Variants in PEAK1 observed in about 807,000 individuals in gnomAD.
PEAK1 encodes inactive tyrosine-protein kinase PEAK1.
PEAK1 carries 54 observed loss-of-function variants against 124.7 expected under a neutral mutation model. The ratio of observed to expected loss-of-function variants is 0.43; its 90% CI spans 0.35 to 0.54. The LOEUF (loss-of-function observed/expected upper bound fraction) is 0.54. Among genes scored for constraint, PEAK1 ranks in the 20% least tolerant of loss-of-function variants. PEAK1 has a pLI of 0.01. For synonymous variants in PEAK1, 719 were observed against 760.0 expected, an observed-to-expected ratio of 0.95 and a Z score of 0.89; for missense variants, 2,046 against 2,134.5, an observed-to-expected ratio of 0.96 and a Z score of 0.82.
intron 8 of PEAK1, among the ~76,000 whole-genome samples, chr15:77,140,957 C>T (rs1283166303): frequency 6.6e-6 from 1 of 152,114 alleles, no homozygotes; most frequent in Non-Finnish European, 1.5e-5. Flanking sequence ...CCTGCCTTGG[C>T]CTCCCAAAGT....
intron 1 of PEAK1, chr15:77,404,426 G>T: frequency 1.3e-6 from 1 of 743,506 alleles, no homozygotes; most frequent in Non-Finnish European, 1.6e-6. Flanking sequence ...CATTGGATTT[G>T]GAAGACAGAA....
At chr15:77,370,344 T>G (rs1290260225) in intron 1 of PEAK1, among the ~76,000 whole-genome samples, 1 of 152,180 alleles carries the variant, frequency 6.6e-6, no homozygotes, top group African/African-American at 2.4e-5. Flanking sequence ...GTTTTAAAAA[T>G]CTTGAAAGTT....
intron 7 of PEAK1, among the ~76,000 whole-genome samples, chr15:77,159,703 G>C (rs2055462917): frequency 6.6e-6 from 1 of 152,194 alleles, no homozygotes; most frequent in South Asian, 2.1e-4. Flanking sequence ...ATTTTCAATT[G>C]GCAGTGAGTC....
intron 2 of PEAK1, chr15:77,337,018 A>T (rs1268222932): frequency 1.5e-6 from 1 of 650,230 alleles, no homozygotes; most frequent in African/African-American, 2.0e-5. Flanking sequence ...CAAAGACATA[A>T]ATTAACTAGA....
chr15:77,202,264 T>G (rs1049590271), intron 6 of PEAK1, among the ~76,000 whole-genome samples: 1 of 152,150 alleles, frequency 6.6e-6, no homozygotes, highest in African/African-American at 2.4e-5. Context: ...TTGAACAACA[T>G]GGGTTAGGAG....
At chr15:77,128,225 C>T (rs551508838) in intron 9 of PEAK1, among the ~76,000 whole-genome samples, 26 of 152,196 alleles carry the variant, frequency 1.7e-4, no homozygotes, top group Admixed American at 6.5e-4. Context: ...GGGATTATAC[C>T]AGCAAAGACA....
Position 77,181,769 on chromosome 15 carries a change from T to C in PEAK1, c.158A>G (p.His53Arg), listed in dbSNP as rs767640890. 1 of 1,614,134 alleles carries C rather than the reference T, an allele frequency of 6.2e-7. No homozygotes were observed. Among genetic ancestry groups the C allele is most frequent in the Non-Finnish European group, 8.5e-7 (1 of 1,180,008 alleles). The change falls in exon 7 of 10, where the codon CAC (histidine) becomes CGC (arginine). Residue 53 changes from histidine (H) to arginine (R), a missense_variant. Coordinates refer to ENST00000682557, the MANE Select transcript of PEAK1 (RefSeq NM_001385026.1). ...VKTNANHSNNHRIRNTGNFRP... is the reference protein window; with the variant it reads ...VKTNANHSNNRRIRNTGNFRP... ...GAAATTGCCCGTGTTCCTGATGCGG[T>C]GGTTGTTACTGTGATTGGCATTAGT...
intron 5 of PEAK1, among the ~76,000 whole-genome samples, chr15:77,268,854 T>C (rs1396579163): frequency 1.3e-5 from 2 of 152,186 alleles, no homozygotes; most frequent in Non-Finnish European, 2.9e-5. Context: ...ACTGCAATCC[T>C]ATCTTTAGCC....
At chr15:77,326,335 T>C (rs1011744282) in intron 2 of PEAK1, among the ~76,000 whole-genome samples, 1 of 152,198 alleles carries the variant, frequency 6.6e-6, no homozygotes, top group Non-Finnish European at 1.5e-5. Context: ...TACTTGGTCT[T>C]GATAATCTCT....
In PEAK1 at chr15:77,342,920, A is replaced by C. The variant is rs922879782; in HGVS notation, c.-603+22243T>G. Among the ~76,000 whole-genome samples the C allele has an allele frequency of 1.2e-4, 18 of 152,314 alleles. No individual in the cohort carries two copies. In the East Asian group the frequency reaches 3.3e-3, roughly 28 times the overall value. The stretch of plus-strand genomic sequence containing the variant: ...TATTATAAATAGTGTTGCTATGAAC[A>C]CGGGTGTGTACATATGTCTTTGAGA... On this transcript the variant is annotated intron_variant, in intron 2 of 9. Coordinates refer to ENST00000682557, the MANE Select transcript of PEAK1 (RefSeq NM_001385026.1).
intron 8 of PEAK1, among the ~76,000 whole-genome samples, chr15:77,146,193 G>A (rs1415032064): frequency 6.6e-6 from 1 of 152,156 alleles, no homozygotes; most frequent in Non-Finnish European, 1.5e-5. Context: ...CTAGCGCTCA[G>A]TGCATCATCC....
At chr15:77,255,729 A>C (rs117489908) in intron 5 of PEAK1, among the ~76,000 whole-genome samples, 1 of 152,148 alleles carries the variant, frequency 6.6e-6, no homozygotes, top group Admixed American at 6.6e-5. Flanking sequence ...AATGCATAAT[A>C]ATTCTTCTAA....
intron 2 of PEAK1, among the ~76,000 whole-genome samples, chr15:77,328,682 C>T (rs182345784): frequency 1.2e-3 from 189 of 152,258 alleles, no homozygotes; most frequent in South Asian, 4.1e-3. Context: ...TCAACCTGGT[C>T]TGTGTGAAGG....
At chr15:77,406,927 C>G (rs866642721) in intron 1 of PEAK1, among the ~76,000 whole-genome samples, 1 of 152,050 alleles carries the variant, frequency 6.6e-6, no homozygotes, top group Admixed American at 6.6e-5. Flanking sequence ...AAAATAGGCA[C>G]GTAGACCAAT....
chr15:77,418,851 G>T (rs563407943), intron 1 of PEAK1: 122 of 985,350 alleles, frequency 1.2e-4, no homozygotes, highest in Non-Finnish European at 1.5e-4. Flanking sequence ...CGCTGTGGCT[G>T]AACAAAAATC....
chr15:77,333,797 C>A (rs928577923), intron 2 of PEAK1: 1 of 842,996 alleles, frequency 1.2e-6, no homozygotes, highest in African/African-American at 1.8e-5. Context: ...TGGTTTTAAT[C>A]ATTGCAGATT....
At chr15:77,393,431 C>T (rs2070645207) in intron 1 of PEAK1, among the ~76,000 whole-genome samples, 2 of 152,294 alleles carry the variant, frequency 1.3e-5, no homozygotes, top group African/African-American at 2.4e-5. Flanking sequence ...TGTCTTGCAA[C>T]TTGGATACCA....
chr15:77,124,236 C>T (rs997526131), intron 9 of PEAK1, among the ~76,000 whole-genome samples: 1 of 152,246 alleles, frequency 6.6e-6, no homozygotes, highest in Non-Finnish European at 1.5e-5. Flanking sequence ...CTTTGGGTCA[C>T]TTAGATGTGT....
chr15:77,362,541 C>T (rs2067961044), intron 2 of PEAK1, among the ~76,000 whole-genome samples: 2 of 152,104 alleles, frequency 1.3e-5, no homozygotes, highest in Admixed American at 1.3e-4. Flanking sequence ...GAAATCAAAA[C>T]CCTCATTCAT....
Sources: gnomAD v4.1 joint callset for allele counts (sites outside exome capture counted in the v4.1 genomes callset) on GRCh38, gnomAD v4.1.1 for gene constraint, MANE v1.5 for transcripts, NCBI Gene and HGNC (gene_info 2026-07-23, HGNC 2026-07-21) for gene names.